MYO9A: variants seen among roughly 807,000 people sequenced by gnomAD.
MYO9A encodes unconventional myosin-IXa.
A neutral mutation model predicts 293.3 loss-of-function variants in MYO9A; 103 were observed. The observed-to-expected ratio is 0.35, with a 90% confidence interval of 0.30 to 0.41. The LOEUF (loss-of-function observed/expected upper bound fraction) is 0.41. Among genes scored for constraint, MYO9A ranks in the 10% least tolerant of loss-of-function variants. The probability of loss-of-function intolerance (pLI) is 1.00; values close to 1 mark genes in which losing one functional copy is unlikely to be tolerated. For missense variants in MYO9A, 2,685 were observed against 3,033.0 expected (o/e 0.89, Z 2.69); for synonymous variants, 1,001 against 1,035.7 (o/e 0.97, Z 0.64).
intron 7 of MYO9A, among the ~76,000 whole-genome samples, chr15:72,009,689 T>C (rs2957743): frequency 0.67 from 102,108 of 151,624 alleles, 35,034 homozygotes; most frequent in Middle Eastern, 0.76. Flanking sequence ...CAGAGTGAGA[T>C]GCTGTCTCCA....
At chr15:71,896,037 A>G (rs2057317448) in intron 25 of MYO9A, among the ~76,000 whole-genome samples, 1 of 152,186 alleles carries the variant, frequency 6.6e-6, no homozygotes, top group Non-Finnish European at 1.5e-5. Context: ...ACACTCTCTT[A>G]TGGATGCATA....
rs755197679 is a variant in MYO9A, at chr15:71,897,807, A to G, written c.4696T>C (p.Ser1566Pro). The change falls in exon 25 of 42, where the codon TCA (serine) becomes CCA (proline). Residue 1566 changes from serine (S) to proline (P), a missense_variant. Physicochemically the swap from Ser to Pro is moderately conservative, Grantham distance 74. Coordinates refer to ENST00000356056, the MANE Select transcript of MYO9A (RefSeq NM_006901.4). ...AGTACATTAAGTTCTCCCTTATTTG[A>G]GGTATTTAAGCTGAGGAGAGAGGAT... is the stretch of plus-strand genomic sequence containing the variant. Reference protein sequence around the residue: ...RPSSLLSLNTSNKGELNVLGS... With the variant: ...RPSSLLSLNTPNKGELNVLGS... 6.2e-7 allele frequency: 1 copy of G among 1,613,888 alleles called. No homozygotes were observed. Among genetic ancestry groups the G allele is most frequent in the East Asian group, 2.2e-5 (1 of 44,868 alleles).
chr15:71,870,114 C>T (rs972146810), intron 32 of MYO9A, among the ~76,000 whole-genome samples: 1 of 151,922 alleles, frequency 6.6e-6, no homozygotes, highest in African/African-American at 2.4e-5. Context: ...TATGGGCTCT[C>T]TTGTCCTTTT....
chr15:71,965,286 G>A (rs551599411), intron 13 of MYO9A, among the ~76,000 whole-genome samples: 1 of 151,918 alleles, frequency 6.6e-6, no homozygotes, highest in Admixed American at 6.6e-5. Flanking sequence ...TGTGTTGCTT[G>A]TTCTGTTAGT....
intron 15 of MYO9A, 28 bp from the exon 16 acceptor site, chr15:71,938,955 T>C (rs558368088): frequency 1.3e-6 from 2 of 1,539,800 alleles, no homozygotes; most frequent in African/African-American, 1.4e-5. Flanking sequence ...ACAGAAAATT[T>C]CAAATCAGTG....
chr15:72,054,099 A>T (rs2078649841), intron 1 of MYO9A, among the ~76,000 whole-genome samples: 1 of 152,212 alleles, frequency 6.6e-6, no homozygotes, highest in Admixed American at 6.5e-5. Context: ...TTTTAAAAGG[A>T]GAAGAAATAC....
At chr15:72,105,594 G>A (rs900416184) in intron 1 of MYO9A, among the ~76,000 whole-genome samples, 3 of 132,866 alleles carry the variant, frequency 2.3e-5, no homozygotes, top group South Asian at 2.5e-4. Flanking sequence ...CGCAACTTCC[G>A]CCTCCCAGGT....
At position 72,026,934 on chromosome 15, in the gene MYO9A, G is replaced by A. The variant is rs187579013; in HGVS notation, c.998+797C>T. ...TCTGAACAGATCTATAATAACTAAAGTGTTTCAATTAATAATCAAAATTTC... is the reference window on the plus strand; with the variant it reads ...TCTGAACAGATCTATAATAACTAAAATGTTTCAATTAATAATCAAAATTTC... On this transcript the variant is annotated intron_variant, in intron 4 of 41. Coordinates refer to ENST00000356056, the MANE Select transcript of MYO9A (RefSeq NM_006901.4). 2.4e-4 allele frequency among the ~76,000 whole-genome samples: 36 copies of A among 152,274 alleles called. No individual in the cohort carries two copies. In the East Asian group the frequency reaches 6.7e-3, roughly 29 times the overall value.
chr15:71,850,764 T>TC (rs2055603026), intron 37 of MYO9A, among the ~76,000 whole-genome samples: 1 of 12,474 alleles, frequency 8.0e-5, no homozygotes, highest in Middle Eastern at 0.062. Flanking sequence ...AAACTGTGTC[T>TC]CAAAAAAAAA....
At chr15:71,925,211 GTGTATA>G (rs1228376432) in intron 18 of MYO9A, among the ~76,000 whole-genome samples, 588 of 5,882 alleles carry the variant, frequency 0.1, 26 homozygotes, top group African/African-American at 0.18. Context: ...ATATATACAT[GTGTATA>G]TATACACATA....
chr15:71,867,419 A>C (rs2056366821), intron 32 of MYO9A, among the ~76,000 whole-genome samples: 1 of 152,180 alleles, frequency 6.6e-6, no homozygotes, highest in Non-Finnish European at 1.5e-5. Flanking sequence ...AATCTTCCAC[A>C]TGACAAAAAA....
intron 36 of MYO9A, among the ~76,000 whole-genome samples, chr15:71,851,818 A>G (rs2055661323): frequency 6.6e-6 from 1 of 152,176 alleles, no homozygotes. Flanking sequence ...ATTTAAATGA[A>G]CATAAGCCTA....
intron 13 of MYO9A, among the ~76,000 whole-genome samples, 173 bp downstream of exon 13, chr15:71,967,811 C>A (rs112646035): frequency 3.5e-4 from 54 of 152,228 alleles, no homozygotes; most frequent in African/African-American, 1.2e-3. Flanking sequence ...ATTACCTTAC[C>A]TAAGACAGTA....
chr15:71,907,251 T>C (rs982988417), intron 19 of MYO9A, among the ~76,000 whole-genome samples: 4 of 151,304 alleles, frequency 2.6e-5, no homozygotes, highest in Admixed American at 2.0e-4. Context: ...ATTTCATCCA[T>C]GTCCCTACAA....
At chr15:72,057,067 A>T (rs1056306809) in intron 1 of MYO9A, among the ~76,000 whole-genome samples, 10 of 151,866 alleles carry the variant, frequency 6.6e-5, no homozygotes, top group East Asian at 1.9e-4. Flanking sequence ...AGATTGCACC[A>T]CCGTACTCCA....
At chr15:71,932,038 T>C (rs1330763410) in intron 18 of MYO9A, among the ~76,000 whole-genome samples, 1 of 152,154 alleles carries the variant, frequency 6.6e-6, no homozygotes, top group African/African-American at 2.4e-5. Context: ...CTTTGTTTTT[T>C]GTTGTCTCCA....
intron 1 of MYO9A, among the ~76,000 whole-genome samples, chr15:72,089,703 C>G (rs894437628): frequency 2.6e-5 from 4 of 152,074 alleles, no homozygotes; most frequent in Non-Finnish European, 5.9e-5. Flanking sequence ...AAAGCTCGAG[C>G]CCCAAAAGTA....
chr15:71,939,139 CTTCT>C (rs1380290013), intron 15 of MYO9A: 2 of 478,404 alleles, frequency 4.2e-6, no homozygotes, highest in East Asian at 3.6e-5. Flanking sequence ...GAAATATTTT[CTTCT>C]TTCATTGAAT....
chr15:72,014,476 A>G (rs1303669001), intron 6 of MYO9A, among the ~76,000 whole-genome samples: 1 of 152,192 alleles, frequency 6.6e-6, no homozygotes, highest in Non-Finnish European at 1.5e-5. Flanking sequence ...ACCTGAGGTC[A>G]GGAGTTCAAG....
Sources: gnomAD v4.1 joint callset for allele counts (sites outside exome capture counted in the v4.1 genomes callset) on GRCh38, gnomAD v4.1.1 for gene constraint, MANE v1.5 for transcripts, NCBI Gene and HGNC (gene_info 2026-07-23, HGNC 2026-07-21) for gene names.